Variants in LAMA2 observed in about 807,000 individuals in gnomAD.
LAMA2 encodes the protein laminin subunit alpha-2.
Under a neutral mutation model 364.8 loss-of-function variants are expected in LAMA2, and 269 were observed. That is an observed-to-expected ratio of 0.74 (90% CI 0.67 to 0.82). LAMA2 has a LOEUF of 0.82. Among genes scored for constraint, LAMA2 ranks in the 40% least tolerant of loss-of-function variants. The pLI, the probability that LAMA2 is intolerant of heterozygous loss-of-function variation, is 0.00. For synonymous variants in LAMA2, 1,379 were observed against 1,370.6 expected (o/e 1.01, Z -0.14); for missense variants, 3,807 against 3,873.2 (o/e 0.98, Z 0.45).
At chr6:129,273,584 C>G (rs183641393) in intron 17 of LAMA2, among the ~76,000 whole-genome samples, 1 of 152,220 alleles carries the variant, frequency 6.6e-6, no homozygotes, top group East Asian at 1.9e-4. Context: ...TAATTATAGG[C>G]ATTCATGACC....
chr6:129,198,612 C>G (rs1465887948), intron 12 of LAMA2, among the ~76,000 whole-genome samples: 4 of 152,052 alleles, frequency 2.6e-5, no homozygotes, highest in Non-Finnish European at 5.9e-5. Context: ...CAAGATTAAT[C>G]AAGCAAAACG....
intron 23 of LAMA2, 56 bp downstream of exon 23, chr6:129,313,153 C>T: frequency 9.0e-7 from 1 of 1,111,050 alleles, no homozygotes; most frequent in Non-Finnish European, 1.3e-6. Context: ...GTTTCCATTG[C>T]TCAGTTTTAA....
intron 18 of LAMA2, among the ~76,000 whole-genome samples, chr6:129,285,262 T>C (rs777685975): frequency 5.3e-5 from 8 of 152,170 alleles, no homozygotes; most frequent in African/African-American, 9.6e-5. Flanking sequence ...CACACACCCA[T>C]ACACCAGTAA....
At chr6:128,909,730 C>G (rs1332238083) in intron 1 of LAMA2, among the ~76,000 whole-genome samples, 1 of 151,782 alleles carries the variant, frequency 6.6e-6, no homozygotes, top group Non-Finnish European at 1.5e-5. Flanking sequence ...TCTTCCTAGT[C>G]TCGATGGTCT....
At chr6:129,454,625 A>G (rs960881886) in intron 47 of LAMA2, among the ~76,000 whole-genome samples, 1 of 152,184 alleles carries the variant, frequency 6.6e-6, no homozygotes, top group African/African-American at 2.4e-5. Flanking sequence ...AAAGCATAAG[A>G]GCACCATTAT....
chr6:129,496,478 T>G (rs2114870292), intron 58 of LAMA2, among the ~76,000 whole-genome samples: 1 of 152,298 alleles, frequency 6.6e-6, no homozygotes, highest in African/African-American at 2.4e-5. Flanking sequence ...TTTCCCCTTC[T>G]TTTGCACATT....
At chr6:129,019,234 C>T (rs920406640) in intron 1 of LAMA2, among the ~76,000 whole-genome samples, 8 of 151,882 alleles carry the variant, frequency 5.3e-5, no homozygotes, top group Admixed American at 6.6e-5. Flanking sequence ...TTGCAATATA[C>T]AAAATGGCAG....
At chr6:129,225,374 AGCTTTTGAGTGTGTTT>A (rs1281949085) in intron 12 of LAMA2, among the ~76,000 whole-genome samples, 2 of 152,176 alleles carry the variant, frequency 1.3e-5, no homozygotes, top group Admixed American at 1.3e-4. Context: ...GCCTTCTGCT[AGCTTTTGAGTGTGTTT>A]GCTCTTGCTT....
chr6:129,426,046 C>T (rs1781308358), intron 40 of LAMA2, among the ~76,000 whole-genome samples: 1 of 152,022 alleles, frequency 6.6e-6, no homozygotes. Flanking sequence ...CTATAAATGG[C>T]CTATATTATC....
chr6:129,327,502 A>C (rs1312249224), intron 28 of LAMA2, among the ~76,000 whole-genome samples: 4 of 152,234 alleles, frequency 2.6e-5, no homozygotes, highest in African/African-American at 9.6e-5. Context: ...TTCATAAATC[A>C]AGCAATGTCT....
chr6:129,394,146 G>A (rs1269543046), intron 37 of LAMA2, among the ~76,000 whole-genome samples: 1 of 152,054 alleles, frequency 6.6e-6, no homozygotes, highest in African/African-American at 2.4e-5. Flanking sequence ...CCCTGTATGT[G>A]ATATTAATAT....
intron 1 of LAMA2, among the ~76,000 whole-genome samples, chr6:128,977,220 C>T (rs1169854533): frequency 6.7e-6 from 1 of 150,114 alleles, no homozygotes; most frequent in East Asian, 1.9e-4. Flanking sequence ...CTGTTTCTTC[C>T]TTCCTCCTTT....
chr6:129,252,120 G>A lies in LAMA2; in HGVS notation c.1921G>A (p.Val641Met), dbSNP rs757757006. 6.2e-7 allele frequency: 1 copy of A among 1,613,438 alleles called. No individual in the cohort carries two copies. The highest frequency in any genetic ancestry group is 2.2e-5 in the East Asian group (1 of 44,836). Residue 641 changes from valine to methionine, a missense_variant, in exon 14 of 65, where the codon GTG (valine) becomes ATG (methionine). This residue lies in a region of LAMA2 where 3,333 missense variants were observed against 3,345.7 expected (regional missense o/e 1.00). Coordinates refer to ENST00000421865, the MANE Select transcript of LAMA2 (RefSeq NM_000426.4). ...GAGCATCAGCACAGCCCAAGATGAGGTGTACCTGCACCCATCTGAAGAACA... is the reference window on the plus strand; with the variant it reads ...GAGCATCAGCACAGCCCAAGATGAGATGTACCTGCACCCATCTGAAGAACA... ...DLSISTAQDE[V>M]YLHPSEEHTN...
chr6:128,937,041 C>T lies in LAMA2; in HGVS notation c.112+53684C>T, dbSNP rs373821801. On this transcript the variant is annotated intron_variant, in intron 1 of 64. Coordinates refer to ENST00000421865, the MANE Select transcript of LAMA2 (RefSeq NM_000426.4). ...ATTTAATCCTGCTACTCAAAATGCACAATTCAAAACTTATGAATTGTTTTT... is the reference window on the plus strand; with the variant it reads ...ATTTAATCCTGCTACTCAAAATGCATAATTCAAAACTTATGAATTGTTTTT... 7.2e-5 allele frequency among the ~76,000 whole-genome samples: 11 copies of T among 152,254 alleles called. No homozygotes were observed. In the South Asian group the frequency reaches 1.2e-3, roughly 17 times the overall value.
chr6:129,011,446 T>C (rs9492188), intron 1 of LAMA2, among the ~76,000 whole-genome samples: 48,870 of 152,068 alleles, frequency 0.32, 8,962 homozygotes, highest in African/African-American at 0.5. Context: ...CTTGTGCCCA[T>C]ATCCATGCCC....
intron 55 of LAMA2, among the ~76,000 whole-genome samples, chr6:129,484,054 G>A (rs1218095754): frequency 6.6e-6 from 1 of 152,122 alleles, no homozygotes; most frequent in Non-Finnish European, 1.5e-5. Context: ...TGACCTTCGG[G>A]AAAAGAACAC....
At chr6:129,492,608 TCTAAAC>T in intron 58 of LAMA2, 125 bp downstream of exon 58, 1 of 856,760 alleles carries the variant, frequency 1.2e-6, no homozygotes, top group Admixed American at 2.1e-5. Context: ...ATATAACCTA[TCTAAAC>T]CTATTCTTAC....
intron 12 of LAMA2, among the ~76,000 whole-genome samples, chr6:129,205,176 T>G (rs1322842474): frequency 6.6e-6 from 1 of 151,700 alleles, no homozygotes; most frequent in Non-Finnish European, 1.5e-5. Context: ...GATCACGACG[T>G]CAGGAGATGG....
In LAMA2 at chr6:129,326,311, A is replaced by G. The variant is rs1006131879; in HGVS notation, c.4177-1967A>G. Among the ~76,000 whole-genome samples the G allele has an allele frequency of 3.3e-5, 5 of 152,130 alleles. No individual in the cohort carries two copies. In the East Asian group the frequency reaches 5.8e-4, roughly 18 times the overall value. ...ACCTCCTCTAGGGCTGGACCGGACC[A>G]CAGACTCCCACTATGGGCGCTTGTC... On this transcript the variant is annotated intron_variant, in intron 28 of 64. Transcript: ENST00000421865.
Sources: allele counts gnomAD v4.1 joint callset (sites outside exome capture counted in the v4.1 genomes callset), GRCh38; gene constraint gnomAD v4.1.1; regional missense constraint gnomAD v4.1.1; transcripts MANE v1.5; gene names NCBI Gene and HGNC (gene_info 2026-07-23, HGNC 2026-07-21).